RNASE4: variants seen among roughly 807,000 people sequenced by gnomAD.
The protein encoded by RNASE4 is ribonuclease 4.
For synonymous variants in RNASE4, 93 were observed against 71.4 expected, an observed-to-expected ratio of 1.30 and a Z score of -1.52; for missense variants, 194 against 192.8, an observed-to-expected ratio of 1.01 and a Z score of -0.04.
chr14:20,693,601 G>A, intron 1 of RNASE4: 2 of 1,613,792 alleles, frequency 1.2e-6, no homozygotes, highest in East Asian at 2.2e-5. Context: ...GTTGGTCTTC[G>A]TGCTGGGTCT....
chr14:20,691,544 T>A (rs942057807), intron 1 of RNASE4, among the ~76,000 whole-genome samples: 2 of 152,234 alleles, frequency 1.3e-5, no homozygotes, highest in Admixed American at 1.3e-4. Flanking sequence ...CCTTTAGGGC[T>A]GGCTCTCCAT....
At chr14:20,694,428 T>A (rs1161649882) in intron 1 of RNASE4, among the ~76,000 whole-genome samples, 1 of 146,822 alleles carries the variant, frequency 6.8e-6, no homozygotes, top group African/African-American at 2.5e-5. Context: ...GCCTCCCAAA[T>A]AGCTGAGATT....
intron 1 of RNASE4, among the ~76,000 whole-genome samples, chr14:20,687,558 G>GC (rs999792252): frequency 3.3e-5 from 5 of 152,200 alleles, no homozygotes; most frequent in Admixed American, 1.3e-4. Context: ...CTTGAGCTAA[G>GC]CCTGGAAAGA....
chr14:20,690,107 C>A (rs1211575963), intron 1 of RNASE4, among the ~76,000 whole-genome samples: 1 of 140,078 alleles, frequency 7.1e-6, no homozygotes, highest in Non-Finnish European at 1.5e-5. Context: ...CCCAGCTACT[C>A]GGGAGGCTGA....
At chr14:20,691,923 A>G (rs1290143848) in intron 1 of RNASE4, among the ~76,000 whole-genome samples, 1 of 152,186 alleles carries the variant, frequency 6.6e-6, no homozygotes, top group Non-Finnish European at 1.5e-5. Context: ...CAGGCTAGCC[A>G]CACCACAGGC....
chr14:20,699,801 C>A lies in RNASE4; in HGVS notation c.430C>A (p.His144Asn). Residue 144 changes from histidine to asparagine, a missense_variant, in exon 2 of 2, where the codon CAC becomes AAC. Coordinates refer to ENST00000555835, the MANE Select transcript of RNASE4 (RefSeq NM_002937.5). ...TGAGGGTAACCCACAGGTGCCTGTGCACTTTGACGGTTAGATGCCACCATG... is the reference window on the plus strand; with the variant it reads ...TGAGGGTAACCCACAGGTGCCTGTGAACTTTGACGGTTAGATGCCACCATG... ...ACEGNPQVPVHFDG is the reference protein window; with the variant it reads ...ACEGNPQVPVNFDG The A allele has an allele frequency of 6.2e-7, 1 of 1,612,466 alleles. No homozygotes were observed.
chr14:20,694,016 G>A, intron 1 of RNASE4: 12 of 1,614,040 alleles, frequency 7.4e-6, no homozygotes, highest in Non-Finnish European at 9.3e-6. Context: ...TAACCAGCGG[G>A]CCCCTGGTCA....
chr14:20,699,595 A>C lies in RNASE4; in HGVS notation c.224A>C (p.His75Pro), dbSNP rs780159412. Residue 75 changes from histidine to proline, a missense_variant, in exon 2 of 2, where the codon CAT becomes CCT. By Grantham distance (77) the His-to-Pro change is moderately conservative. Transcript: ENST00000555835. ...YHCKRFNTFI[H>P]EDIWNIRSIC... ...TGCAAGCGCTTCAACACCTTCATCCATGAAGATATCTGGAACATTCGTAGT... is the reference window on the plus strand; with the variant it reads ...TGCAAGCGCTTCAACACCTTCATCCCTGAAGATATCTGGAACATTCGTAGT... 6.2e-6 allele frequency: 10 copies of C among 1,614,090 alleles called. No individual in the cohort carries two copies. The highest frequency in any genetic ancestry group is 5.0e-5 in the Admixed American group (3 of 60,012).
At chr14:20,688,535 C>T (rs893696158) in intron 1 of RNASE4, 1 of 185,406 alleles carries the variant, frequency 5.4e-6, no homozygotes, top group African/African-American at 2.4e-5. Context: ...CAAGAGTAAG[C>T]ACCACAGACA....
chr14:20,691,183 C>A (rs1416646847), intron 1 of RNASE4, among the ~76,000 whole-genome samples: 1 of 152,160 alleles, frequency 6.6e-6, no homozygotes, highest in African/African-American at 2.4e-5. Context: ...CTAGAGAAGA[C>A]ATTAGTAACA....
chr14:20,688,325 A>G (rs1022980066), intron 1 of RNASE4, among the ~76,000 whole-genome samples: 1 of 152,200 alleles, frequency 6.6e-6, no homozygotes, highest in Non-Finnish European at 1.5e-5. Context: ...TCATGAAACC[A>G]AATGATGTGA....
chr14:20,699,039 TTC>T (rs1887189269), intron 1 of RNASE4: 2 of 209,780 alleles, frequency 9.5e-6, no homozygotes, highest in Admixed American at 5.4e-5. Flanking sequence ...GGTTCACCTT[TTC>T]TCTCTTTTTA....
Position 20,699,993 on chromosome 14 carries a change from C to G in RNASE4, c.*178C>G. ...ACCAAAGAGATATGGAGACATAAACCTGTAATGAATGAGGCTGGGCTTTTC... is the reference window on the plus strand; with the variant it reads ...ACCAAAGAGATATGGAGACATAAACGTGTAATGAATGAGGCTGGGCTTTTC... On this transcript the variant is annotated 3_prime_UTR_variant, in exon 2 of 2. Transcript: ENST00000555835. 1.6e-6 allele frequency: 1 copy of G among 626,116 alleles called. No individual in the cohort carries two copies. Among genetic ancestry groups the G allele is most frequent in the Non-Finnish European group, 2.8e-6 (1 of 351,884 alleles). 38.8% of individuals were successfully genotyped at this position (626,116 alleles called of 1,614,324 possible). A position where few individuals can be genotyped will look rare whatever the true frequency, so the allele number is the denominator to read the frequency against.
At chr14:20,696,930 A>AC (rs1167047725) in intron 1 of RNASE4, among the ~76,000 whole-genome samples, 1 of 152,208 alleles carries the variant, frequency 6.6e-6, no homozygotes, top group Non-Finnish European at 1.5e-5. Flanking sequence ...CTTTTAGACC[A>AC]CGGTGTCAAA....
chr14:20,687,314 C>T (rs1482341144), intron 1 of RNASE4, among the ~76,000 whole-genome samples: 1 of 152,198 alleles, frequency 6.6e-6, no homozygotes, highest in Non-Finnish European at 1.5e-5. Context: ...ATTGTGTATC[C>T]TCCAAAGGTT....
At chr14:20,693,041 G>A (rs1188099992) in intron 1 of RNASE4, among the ~76,000 whole-genome samples, 1 of 151,566 alleles carries the variant, frequency 6.6e-6, no homozygotes, top group African/African-American at 2.4e-5. Flanking sequence ...TAGAGACGGG[G>A]TTTCACCGTG....
intron 1 of RNASE4, among the ~76,000 whole-genome samples, chr14:20,691,783 T>C (rs1886764005): frequency 6.6e-6 from 1 of 152,250 alleles, no homozygotes; most frequent in Non-Finnish European, 1.5e-5. Flanking sequence ...AGATTATAAT[T>C]TGTAATGGAA....
chr14:20,687,903 C>G (rs1286223094), intron 1 of RNASE4, among the ~76,000 whole-genome samples: 2 of 152,162 alleles, frequency 1.3e-5, no homozygotes, highest in Non-Finnish European at 2.9e-5. Context: ...ATAACACTGT[C>G]CTAGATCCAA....
chr14:20,692,777 C>T (rs1886836355), intron 1 of RNASE4, among the ~76,000 whole-genome samples: 1 of 152,234 alleles, frequency 6.6e-6, no homozygotes, highest in Admixed American at 6.5e-5. Context: ...TATCTCATCT[C>T]AGTACATTGA....
Sources: gnomAD v4.1 joint callset for allele counts (sites outside exome capture counted in the v4.1 genomes callset) on GRCh38, gnomAD v4.1.1 for gene constraint, MANE v1.5 for transcripts, NCBI Gene and HGNC (gene_info 2026-07-23, HGNC 2026-07-21) for gene names.